The following FAM222A variants were observed in gnomAD, a reference collection of about 807,000 sequenced individuals.
FAM222A encodes the protein family with sequence similarity 222 member A, also known as protein FAM222A.
A neutral mutation model predicts 25.8 loss-of-function variants in FAM222A; 7 were observed. The ratio of observed to expected loss-of-function variants is 0.27; its 90% CI spans 0.15 to 0.51. The LOEUF is 0.51. Among genes scored for constraint, FAM222A ranks in the 20% least tolerant of loss-of-function variants. The probability of loss-of-function intolerance (pLI) is 0.97; values close to 1 mark genes in which losing one functional copy is unlikely to be tolerated. For synonymous variants in FAM222A, 294 were observed against 298.8 expected, an observed-to-expected ratio of 0.98 and a Z score of 0.17; for missense variants, 573 against 640.5, an observed-to-expected ratio of 0.89 and a Z score of 1.14.
At chr12:109,722,135 A>C (rs1265456579) in intron 1 of FAM222A, among the ~76,000 whole-genome samples, 1 of 152,190 alleles carries the variant, frequency 6.6e-6, no homozygotes, top group African/African-American at 2.4e-5. Flanking sequence ...AGGAAGGGTG[A>C]ACGTCCGGGT....
intron 2 of FAM222A, among the ~76,000 whole-genome samples, chr12:109,761,695 A>C (rs1416862420): frequency 6.6e-6 from 1 of 152,188 alleles, no homozygotes; most frequent in Non-Finnish European, 1.5e-5. Context: ...TTTAGGGCCC[A>C]GCAAGTCCCA....
At chr12:109,741,053 GGCTCCAC>G (rs1321473687) in intron 1 of FAM222A, among the ~76,000 whole-genome samples, 7 of 152,190 alleles carry the variant, frequency 4.6e-5, no homozygotes, top group African/African-American at 1.7e-4. Context: ...AAGAGGGCTG[GGCTCCAC>G]GCCGGGGCCA....
chr12:109,740,869 T>A (rs1888222086), intron 1 of FAM222A, among the ~76,000 whole-genome samples: 1 of 152,084 alleles, frequency 6.6e-6, no homozygotes, highest in South Asian at 2.1e-4. Flanking sequence ...ATGGTGGATA[T>A]CTAGAGGAAG....
chr12:109,761,614 G>A (rs1378208268), intron 2 of FAM222A, among the ~76,000 whole-genome samples: 1 of 152,200 alleles, frequency 6.6e-6, no homozygotes, highest in Admixed American at 6.5e-5. Flanking sequence ...TTACAGGCAT[G>A]TGGGAGCCGC....
chr12:109,726,485 A>T (rs1029822684), intron 1 of FAM222A, among the ~76,000 whole-genome samples: 1 of 152,224 alleles, frequency 6.6e-6, no homozygotes, highest in African/African-American at 2.4e-5. Context: ...CTGGCTGCAG[A>T]GCCTGTAACC....
intron 1 of FAM222A, among the ~76,000 whole-genome samples, chr12:109,733,235 G>GACTT (rs1887990237): frequency 6.6e-6 from 1 of 152,132 alleles, no homozygotes; most frequent in Non-Finnish European, 1.5e-5. Context: ...AGGTTTCAAA[G>GACTT]ACTTAGAATA....
rs1592788402 is a variant in FAM222A at position 109,743,612 on chromosome 12, G to A, written c.-46-489G>A. ...GGGGCTATGAGGATGCCCTGGGCGG[G>A]AGACAGACCAGTACTTCAGTAACCT... On this transcript the variant is annotated intron_variant, in intron 1 of 2. Transcript: ENST00000538780. 2.6e-5 allele frequency among the ~76,000 whole-genome samples: 4 copies of A among 152,348 alleles called. No homozygotes were observed. In the South Asian group the frequency reaches 8.3e-4, roughly 32 times the overall value.
intron 1 of FAM222A, among the ~76,000 whole-genome samples, chr12:109,729,363 G>T (rs1190582200): frequency 1.2e-4 from 18 of 152,130 alleles, no homozygotes; most frequent in Non-Finnish European, 2.6e-4. Flanking sequence ...GCATGCTGGG[G>T]GGTCTCAGGA....
At chr12:109,759,904 C>T (rs1450382438) in intron 2 of FAM222A, among the ~76,000 whole-genome samples, 1 of 152,194 alleles carries the variant, frequency 6.6e-6, no homozygotes, top group Non-Finnish European at 1.5e-5. Context: ...AGGATCTGCC[C>T]TAGAAGGTCT....
At chr12:109,735,024 C>T (rs1888047203) in intron 1 of FAM222A, 1 of 152,786 alleles carries the variant, frequency 6.5e-6, no homozygotes, top group East Asian at 1.9e-4. Context: ...GTTTCCTAAC[C>T]CCTGCCTCGA....
Position 109,768,805 on chromosome 12 carries a change from GC to G in FAM222A, c.881del (p.Pro294HisfsTer48). 1 of 1,571,676 alleles carries G rather than the reference GC, an allele frequency of 6.4e-7. No homozygotes were observed. On this transcript the variant is annotated frameshift_variant, in exon 3 of 3. Transcript: ENST00000538780. LOFTEE classifies it high-confidence loss of function. ...ATTACCTGCTGTGGCCGCAGAAACC[GC>G]CCCCACCGCCGCCCCAGCCACTGCG... is the stretch of plus-strand genomic sequence containing the variant. ...LDYLLWPQKP[P>X]PPPPQPLRAY...
chr12:109,735,980 A>G (rs536144723), intron 1 of FAM222A: 2 of 152,422 alleles, frequency 1.3e-5, no homozygotes, highest in South Asian at 4.1e-4. Flanking sequence ...TCAGAGGTCC[A>G]TGGCTCTGGG....
At chr12:109,744,077 G>C in intron 1 of FAM222A, 24 bp from the exon 2 acceptor site, 2 of 1,570,814 alleles carry the variant, frequency 1.3e-6, no homozygotes, top group Non-Finnish European at 1.7e-6. Context: ...CCAAGTGACA[G>C]AGCACCCCAT....
At chr12:109,760,977 G>GATGAAGT (rs1195440870) in intron 2 of FAM222A, among the ~76,000 whole-genome samples, 83 of 152,282 alleles carry the variant, frequency 5.5e-4, no homozygotes, top group Non-Finnish European at 1.2e-4. Context: ...AGGGGGCTCC[G>GATGAAGT]ATGAAGTCAT....
rs147422233 is a variant in FAM222A at position 109,755,109 on chromosome 12, G to A, written c.82+10881G>A. ...CTGGAGTTGTCTTCACTTTCTTTGTGGTATCCTTTGAAGCACAAAAGTTTT... is the reference window on the plus strand; with the variant it reads ...CTGGAGTTGTCTTCACTTTCTTTGTAGTATCCTTTGAAGCACAAAAGTTTT... On this transcript the variant is annotated intron_variant, in intron 2 of 2. Transcript: ENST00000538780. 5.7e-3 allele frequency among the ~76,000 whole-genome samples: 871 copies of A among 152,144 alleles called. 31 individuals are homozygous for A. Among genetic ancestry groups the A allele is most frequent in the Admixed American group, 0.051 (778 of 15,290 alleles).
intron 2 of FAM222A, chr12:109,744,788 C>T (rs1015655664): frequency 3.2e-5 from 31 of 983,958 alleles, no homozygotes; most frequent in South Asian, 9.4e-5. Flanking sequence ...TACTTAGAAA[C>T]GGAGATTTGC....
intron 2 of FAM222A, among the ~76,000 whole-genome samples, chr12:109,750,890 T>C (rs76620444): frequency 5.7e-5 from 8 of 141,260 alleles, no homozygotes; most frequent in African/African-American, 1.8e-4. Context: ...CTGATTTTTT[T>C]CCCCCATCTA....
intron 1 of FAM222A, chr12:109,720,043 G>T: frequency 1.0e-6 from 1 of 963,558 alleles, no homozygotes; most frequent in Non-Finnish European, 1.2e-6. Flanking sequence ...TCATGGGCTT[G>T]TGGGTGGGGT....
In FAM222A at chr12:109,768,980, A is replaced by C; in HGVS notation, c.1051A>C (p.Ser351Arg). Reference protein sequence around the residue: ...VGQYFAAPWNSVLVTPTSDCY... With the variant: ...VGQYFAAPWNRVLVTPTSDCY... ...CCAGTACTTTGCGGCCCCGTGGAACAGTGTGCTGGTGACACCCACCAGCGA... is the reference window on the plus strand; with the variant it reads ...CCAGTACTTTGCGGCCCCGTGGAACCGTGTGCTGGTGACACCCACCAGCGA... The change falls in exon 3 of 3, where the codon AGT becomes CGT. Residue 351 changes from serine (S) to arginine (R), a missense_variant. Transcript: ENST00000538780. The C allele has an allele frequency of 3.8e-6, 6 of 1,573,162 alleles. No homozygotes were observed. Among genetic ancestry groups the C allele is most frequent in the Non-Finnish European group, 5.2e-6 (6 of 1,163,466 alleles).
Sources: allele counts gnomAD v4.1 joint callset (sites outside exome capture counted in the v4.1 genomes callset), GRCh38; gene constraint gnomAD v4.1.1; transcripts MANE v1.5; gene names NCBI Gene and HGNC (gene_info 2026-07-23, HGNC 2026-07-21).